The following PWWP2A variants were observed in gnomAD, a reference collection of about 807,000 sequenced individuals.
PWWP2A encodes PWWP domain-containing protein 2A.
A neutral mutation model predicts 48.5 loss-of-function variants in PWWP2A; 18 were observed. The observed-to-expected ratio is 0.37, with a 90% CI of 0.26 to 0.55. The LOEUF (loss-of-function observed/expected upper bound fraction) is 0.55, where lower values mean the gene tolerates loss of function less well. PWWP2A is among the 20% of genes least tolerant of loss of function. The pLI is 0.81. For missense variants in PWWP2A, 867 were observed against 976.4 expected (o/e 0.89, Z 1.49); for synonymous variants, 396 against 387.7 (o/e 1.02, Z -0.25).
chr5:160,116,126 G>A (rs1482286774), intron 1 of PWWP2A, among the ~76,000 whole-genome samples: 1 of 152,028 alleles, frequency 6.6e-6, no homozygotes, highest in Non-Finnish European at 1.5e-5. Flanking sequence ...TGTGATCTTA[G>A]CTACTGTAAC....
At chr5:160,069,135 A>C (rs925191055) in intron 2 of PWWP2A, among the ~76,000 whole-genome samples, 2 of 151,874 alleles carry the variant, frequency 1.3e-5, no homozygotes, top group African/African-American at 4.8e-5. Flanking sequence ...TCTACAAAAA[A>C]CTACTTGGGT....
downstream of PWWP2A, among the ~76,000 whole-genome samples, chr5:160,088,486 G>A (rs1435871818): frequency 6.6e-6 from 1 of 152,166 alleles, no homozygotes; most frequent in Admixed American, 6.5e-5. Context: ...CTGACCTCAG[G>A]TGATCCACCT....
chr5:160,113,261 GCTC>G (rs1260739480), intron 1 of PWWP2A: 8 of 979,360 alleles, frequency 8.2e-6, no homozygotes, highest in African/African-American at 7.0e-5. Context: ...TGTATGTCCA[GCTC>G]CTTTTTTTTC....
Position 160,093,557 on chromosome 5 carries a change from G to A in PWWP2A, c.1093C>T (p.Leu365=). 1 of 1,613,334 alleles carries A rather than the reference G, an allele frequency of 6.2e-7. No homozygotes were observed. ...CCATCCACTTTATGGTCAGTTTTCA[G>A]TTTTTTGTTCACAGTAGTTACACTT... is the stretch of plus-strand genomic sequence containing the variant. ...NESVTTVNKK[L]KTDHKVDGKN... Residue 365 remains leucine, a synonymous_variant, in exon 2 of 2, where the codon CTG becomes TTG. Transcript: ENST00000307063. This position sits in a 1 kb window ranked among gnomAD's most constrained non-coding sequence, Gnocchi z 5.8.
At chr5:160,101,714 C>T (rs2113596122) in intron 1 of PWWP2A, among the ~76,000 whole-genome samples, 1 of 151,350 alleles carries the variant, frequency 6.6e-6, no homozygotes, top group East Asian at 1.9e-4. Flanking sequence ...ACAGGCATGC[C>T]CATAGTCCAA....
intron 1 of PWWP2A, among the ~76,000 whole-genome samples, chr5:160,104,122 C>CAAAAAAAAAAAAAAAAAAAA: frequency 1.6e-5 from 1 of 61,762 alleles, no homozygotes; most frequent in Admixed American, 2.3e-4. Context: ...GACTCTGTCT[C>CAAAAAAAAAAAAAAAAAAAA]AAAAAAAAAA....
At chr5:160,051,097 T>A in the PWWP2A span, 9 of 1,536,210 alleles carry the variant, frequency 5.9e-6, no homozygotes, top group Non-Finnish European at 7.9e-6. Context: ...TTTTTTTTTT[T>A]TACCAACCCT....
intron 1 of PWWP2A, chr5:160,116,757 T>C (rs1758182002): frequency 1.0e-6 from 1 of 985,300 alleles, no homozygotes; most frequent in Non-Finnish European, 1.2e-6. Flanking sequence ...CTCTTCTGTT[T>C]CATTCAACAG....
intron 2 of PWWP2A, among the ~76,000 whole-genome samples, chr5:160,067,498 A>G (rs1227145535): frequency 6.6e-6 from 1 of 152,230 alleles, no homozygotes; most frequent in Non-Finnish European, 1.5e-5. Context: ...TTGTTCGTCT[A>G]GAAACAGCTT....
At chr5:160,087,398 G>A (rs200467240), downstream of PWWP2A, among the ~76,000 whole-genome samples, 1 of 144,500 alleles carries the variant, frequency 6.9e-6, no homozygotes, top group Non-Finnish European at 1.5e-5. Context: ...AAAAAAAAAA[G>A]GAGGGGCTGG....
intron 1 of PWWP2A, among the ~76,000 whole-genome samples, chr5:160,102,568 G>T (rs1011684884): frequency 6.6e-6 from 1 of 151,992 alleles, no homozygotes; most frequent in Non-Finnish European, 1.5e-5. Context: ...ATGAAACAAT[G>T]AAAAAAATAA....
chr5:160,071,995 A>C (rs542564253), downstream of PWWP2A, among the ~76,000 whole-genome samples: 25 of 152,280 alleles, frequency 1.6e-4, no homozygotes, highest in South Asian at 5.0e-3. Flanking sequence ...CCTTGAAGTG[A>C]TTTCAGTTAG....
intron 1 of PWWP2A, chr5:160,113,449 G>A (rs114107615): frequency 7.5e-4 from 321 of 430,090 alleles, no homozygotes; most frequent in African/African-American, 6.3e-3. Flanking sequence ...TTTCCACACA[G>A]TAGACAGCTC....
At chr5:160,117,588 C>A (rs570756452) in intron 1 of PWWP2A, among the ~76,000 whole-genome samples, 16 of 150,918 alleles carry the variant, frequency 1.1e-4, no homozygotes, top group Non-Finnish European at 1.8e-4. Flanking sequence ...ACCCAGGAGG[C>A]GGAGGTTGCA....
At position 160,093,035 on chromosome 5, in the gene PWWP2A, C is replaced by G. The variant is rs774513649; in HGVS notation, c.1615G>C (p.Asp539His). 1.2e-6 allele frequency: 2 copies of G among 1,604,476 alleles called. No individual in the cohort carries two copies. Among genetic ancestry groups the G allele is most frequent in the South Asian group, 1.1e-5 (1 of 89,346 alleles). Residue 539 changes from aspartate to histidine, a missense_variant, in exon 2 of 2, where the codon GAC (aspartate) becomes CAC (histidine). Asp to His is a moderately conservative substitution (Grantham distance 81). Transcript: ENST00000307063. The surrounding 1 kb of genome is among the most constrained non-coding windows in gnomAD (Gnocchi z 5.8). ...GPEEASSEVQ[D>H]TNEVHVPGDQ... Reference sequence around the variant, plus strand: ...CCAGGCACATGCACTTCATTTGTGTCCTGAACCTCACTGCTGGCCTCTTCA... The same window carrying G: ...CCAGGCACATGCACTTCATTTGTGTGCTGAACCTCACTGCTGGCCTCTTCA...
intron 2 of PWWP2A, among the ~76,000 whole-genome samples, chr5:160,067,909 C>T (rs536297297): frequency 2.0e-4 from 31 of 152,276 alleles, no homozygotes; most frequent in African/African-American, 7.0e-4. Context: ...GGCCAGGCAC[C>T]GTGGCTCACA....
intron 1 of PWWP2A, among the ~76,000 whole-genome samples, chr5:160,096,404 G>T (rs1755653305): frequency 6.6e-6 from 1 of 152,146 alleles, no homozygotes; most frequent in Non-Finnish European, 1.5e-5. Flanking sequence ...TTCTTACACA[G>T]TACATAGGTG....
intron 1 of PWWP2A, among the ~76,000 whole-genome samples, chr5:160,117,483 C>G (rs998429926): frequency 6.6e-6 from 1 of 152,006 alleles, no homozygotes; most frequent in Non-Finnish European, 1.5e-5. Context: ...GGTGAAATCC[C>G]GGCTCTAGTT....
At chr5:160,108,188 G>A (rs1048739411) in intron 1 of PWWP2A, among the ~76,000 whole-genome samples, 1 of 151,586 alleles carries the variant, frequency 6.6e-6, no homozygotes, top group Non-Finnish European at 1.5e-5. Flanking sequence ...CTACCCCATA[G>A]GCAGAGTGGC....
Sources: gnomAD v4.1 joint callset for allele counts (sites outside exome capture counted in the v4.1 genomes callset) on GRCh38, gnomAD v4.1.1 for gene constraint, Gnocchi (gnomAD v3.1) non-coding constraint, MANE v1.5 for transcripts, NCBI Gene and HGNC (gene_info 2026-07-23, HGNC 2026-07-21) for gene names.